COLGALT2: variants seen among roughly 807,000 people sequenced by gnomAD.
The protein encoded by COLGALT2 is procollagen galactosyltransferase 2.
Under a neutral mutation model 73.4 loss-of-function variants are expected in COLGALT2, and 49 were observed. The observed-to-expected ratio is 0.67, with a 90% CI of 0.53 to 0.85. COLGALT2 has a LOEUF of 0.85. Among genes scored for constraint, COLGALT2 ranks in the 40% least tolerant of loss-of-function variants. The pLI, the probability that COLGALT2 is intolerant of heterozygous loss-of-function variation, is 0.00. For missense variants in COLGALT2, 722 were observed against 790.2 expected, an observed-to-expected ratio of 0.91 and a Z score of 1.03; for synonymous variants, 295 against 307.6, an observed-to-expected ratio of 0.96 and a Z score of 0.43.
Position 183,944,279 on chromosome 1 carries a change from A to G in COLGALT2, c.1314T>C (p.Asp438=), listed in dbSNP as rs771567222. 1.5e-5 allele frequency: 24 copies of G among 1,613,940 alleles called. No homozygotes were observed. The Admixed American group carries it at 3.2e-4, about 21-fold the overall frequency. ...TCTTAAACTGATGCTCAAAACGCAC[A>G]TCGTCTTCAATTACAAGAGTCTTCT... is the stretch of plus-strand genomic sequence containing the variant. ...ELEKTLVIED[D]VRFEHQFKKK... The change falls in exon 10 of 12, where the codon GAT becomes GAC. Residue 438 remains aspartate, a synonymous_variant. Coordinates refer to ENST00000361927, the MANE Select transcript of COLGALT2 (RefSeq NM_015101.4).
chr1:184,002,232 C>T (rs1397000492), intron 1 of COLGALT2, among the ~76,000 whole-genome samples: 1 of 152,156 alleles, frequency 6.6e-6, no homozygotes, highest in African/African-American at 2.4e-5. Flanking sequence ...CAACAATAAA[C>T]GAAGTCCACT....
At chr1:183,952,579 T>C (rs1024561159) in intron 7 of COLGALT2, among the ~76,000 whole-genome samples, 4 of 152,230 alleles carry the variant, frequency 2.6e-5, no homozygotes, top group Admixed American at 6.5e-5. Context: ...GTCATAAATA[T>C]ATGTTTCACT....
chr1:184,000,892 C>T (rs956546133), intron 1 of COLGALT2, among the ~76,000 whole-genome samples: 1 of 143,740 alleles, frequency 7.0e-6, no homozygotes. Context: ...TGCAGTGGAG[C>T]GATCTCGGCT....
chr1:183,988,394 A>G (rs1558327191), intron 1 of COLGALT2, among the ~76,000 whole-genome samples: 1 of 152,188 alleles, frequency 6.6e-6, no homozygotes, highest in Non-Finnish European at 1.5e-5. Context: ...CTCTTCTAAA[A>G]TATAAAATTC....
Position 184,037,192 on chromosome 1 carries a change from G to A in COLGALT2, c.166C>T (p.Leu56Phe), listed in dbSNP as rs765842741. The A allele has an allele frequency of 1.2e-6, 2 of 1,604,848 alleles. No individual in the cohort carries two copies. The highest frequency in any genetic ancestry group is 3.4e-5 in the Admixed American group (2 of 59,536). The stretch of plus-strand genomic sequence containing the variant: ...GCGTTGCGGGCGAGGACCGCCACGA[G>A]CACCGTGGGGCTCTGCAGGGGCGAC... ...PESPLQSPTV[L>F]VAVLARNAAH... Residue 56 changes from leucine (L) to phenylalanine (F), a missense_variant, in exon 1 of 12, where the codon CTC (leucine) becomes TTC (phenylalanine). Coordinates refer to ENST00000361927, the MANE Select transcript of COLGALT2 (RefSeq NM_015101.4).
In COLGALT2 at chr1:184,037,261, G is replaced by A; in HGVS notation, c.97C>T (p.Arg33Trp). The A allele has an allele frequency of 1.9e-6, 3 of 1,567,358 alleles. No individual in the cohort carries two copies. Among genetic ancestry groups the A allele is most frequent in the South Asian group, 2.3e-5 (2 of 85,294 alleles). ...EGCRARFVAERDSEDDGEEPV... is the reference protein window; with the variant it reads ...EGCRARFVAEWDSEDDGEEPV... ...TCCTCTCCGTCGTCCTCCGAGTCCC[G>A]CTCGGCGACGAAGCGCGCTCGGCAG... Residue 33 changes from arginine to tryptophan, a missense_variant, in exon 1 of 12, where the codon CGG (arginine) becomes TGG (tryptophan). Arg to Trp is a moderately radical substitution (Grantham distance 101, BLOSUM62 -3). Coordinates refer to ENST00000361927, the MANE Select transcript of COLGALT2 (RefSeq NM_015101.4).
chr1:184,018,626 A>T (rs1426099565), intron 1 of COLGALT2, among the ~76,000 whole-genome samples: 1 of 152,196 alleles, frequency 6.6e-6, no homozygotes, highest in African/African-American at 2.4e-5. Flanking sequence ...TTCAGACTAT[A>T]CAAATTCTTT....
At chr1:184,025,994 C>T (rs936132803) in intron 1 of COLGALT2, among the ~76,000 whole-genome samples, 1 of 152,172 alleles carries the variant, frequency 6.6e-6, no homozygotes, top group African/African-American at 2.4e-5. Flanking sequence ...TTTCAAAATA[C>T]GTCAATTGCC....
downstream of COLGALT2, among the ~76,000 whole-genome samples, chr1:183,932,356 C>T (rs760430539): frequency 2.0e-5 from 3 of 152,254 alleles, no homozygotes; most frequent in South Asian, 2.1e-4. Context: ...TATTAAACTA[C>T]ACAGCACACG....
intron 5 of COLGALT2, among the ~76,000 whole-genome samples, chr1:183,967,250 C>T (rs1182162922): frequency 6.6e-6 from 1 of 152,212 alleles, no homozygotes; most frequent in Non-Finnish European, 1.5e-5. Context: ...TGGTCTGCAC[C>T]GCCAGTCTGG....
intron 1 of COLGALT2, among the ~76,000 whole-genome samples, chr1:184,031,928 G>A (rs563547229): frequency 1.3e-5 from 2 of 149,784 alleles, no homozygotes; most frequent in South Asian, 2.1e-4. Context: ...ACAGGGTCTC[G>A]CTGTGTTGCC....
In COLGALT2 at chr1:183,937,218, C is replaced by T. The variant is rs529866644; in HGVS notation, c.*1543G>A. ...CTCAGGGTTTGGGGTGTGCACGGCC[C>T]CCCATATGGCTGCATGGTGCATGGA... On this transcript the variant is annotated 3_prime_UTR_variant, in exon 12 of 12. Transcript: ENST00000361927. 2 of 1,212,514 alleles carry T rather than the reference C, an allele frequency of 1.6e-6. No homozygotes were observed. Among genetic ancestry groups the T allele is most frequent in the East Asian group, 3.3e-5 (1 of 30,154 alleles). The allele number at this position is 1,212,514 out of a possible 1,614,324, so 75.1% of individuals were successfully genotyped here. A position where few individuals can be genotyped will look rare whatever the true frequency, so the allele number is the denominator to read the frequency against.
downstream of COLGALT2, among the ~76,000 whole-genome samples, chr1:183,932,169 A>T (rs1311548060): frequency 1.3e-5 from 2 of 152,150 alleles, no homozygotes; most frequent in Non-Finnish European, 2.9e-5. Context: ...AGAAAACAAG[A>T]AATGAGACAC....
intron 1 of COLGALT2, among the ~76,000 whole-genome samples, chr1:183,981,489 TAAAAAAAA>T (rs35789912): frequency 6.9e-6 from 1 of 144,832 alleles, no homozygotes; most frequent in Non-Finnish European, 1.5e-5. Context: ...CCGTCCCTAC[TAAAAAAAA>T]AAAAAAACAT....
At chr1:184,000,220 C>A (rs77102370) in intron 1 of COLGALT2, among the ~76,000 whole-genome samples, 8,313 of 151,946 alleles carry the variant, frequency 0.055, 765 homozygotes, top group African/African-American at 0.19. Flanking sequence ...GTTTTTTGGC[C>A]TCTATGTGTC....
At chr1:183,993,336 C>T (rs1671682056) in intron 1 of COLGALT2, among the ~76,000 whole-genome samples, 1 of 152,298 alleles carries the variant, frequency 6.6e-6, no homozygotes, top group Non-Finnish European at 1.5e-5. Context: ...TTGAAGGCAG[C>T]ACCCAGGAAA....
At chr1:183,981,665 TAATA>T (rs1671355976) in intron 1 of COLGALT2, among the ~76,000 whole-genome samples, 1 of 152,058 alleles carries the variant, frequency 6.6e-6, no homozygotes, top group South Asian at 2.1e-4. Flanking sequence ...TCAATAAATA[TAATA>T]AATAAATAAA....
rs1331795943 is a variant in COLGALT2, at chr1:183,937,168, C to G, written c.*1593G>C. On this transcript the variant is annotated 3_prime_UTR_variant, in exon 12 of 12. Transcript: ENST00000361927. ...GCCTGTGGACTCTGCTCTGAAGGGC[C>G]CTCCCCATGAGTTTAAGTGTGAAGC... 2.4e-6 allele frequency: 3 copies of G among 1,227,274 alleles called. No individual in the cohort carries two copies. In the African/African-American group the frequency reaches 4.7e-5, roughly 19 times the overall value. The allele number at this position is 1,227,274 out of a possible 1,614,324, so 76.0% of individuals were successfully genotyped here.
At chr1:183,965,222 T>C (rs549570744) in intron 5 of COLGALT2, among the ~76,000 whole-genome samples, 49 of 152,270 alleles carry the variant, frequency 3.2e-4, no homozygotes, top group African/African-American at 1.1e-3. Context: ...CACCTTCTTG[T>C]AAAGTCATGA....
Sources: allele counts gnomAD v4.1 joint callset (sites outside exome capture counted in the v4.1 genomes callset), GRCh38; gene constraint gnomAD v4.1.1; transcripts MANE v1.5; gene names NCBI Gene and HGNC (gene_info 2026-07-23, HGNC 2026-07-21).